CEP95: variants seen among roughly 807,000 people sequenced by gnomAD.
CEP95 encodes centrosomal protein 95.
Under a neutral mutation model 111.2 loss-of-function variants are expected in CEP95, and 98 were observed. The observed-to-expected ratio is 0.88, with a 90% CI of 0.75 to 1.04. CEP95 has a LOEUF of 1.04. Ranked by LOEUF, CEP95 falls within the 50% of genes least tolerant of loss-of-function variation. The pLI, the probability that CEP95 is intolerant of heterozygous loss-of-function variation, is 0.00. For missense variants in CEP95, 1,027 were observed against 977.2 expected, an observed-to-expected ratio of 1.05 and a Z score of -0.68; for synonymous variants, 323 against 327.1, an observed-to-expected ratio of 0.99 and a Z score of 0.14.
rs575800337 is a variant in CEP95, at chr17:64,509,993, C to T, written c.149-180C>T. 3.9e-5 allele frequency among the ~76,000 whole-genome samples: 6 copies of T among 152,106 alleles called. No homozygotes were observed. The East Asian group carries it at 1.2e-3, about 29-fold the overall frequency. ...TCGGTTCAATCAATAAATACTCAAC[C>T]AGTAAAGATTCTGCTGTGTAGAGTT... On this transcript the variant is annotated intron_variant, in intron 2 of 19. Transcript: ENST00000556440.
chr17:64,524,966 C>A (rs545766282), intron 8 of CEP95, among the ~76,000 whole-genome samples: 1 of 150,672 alleles, frequency 6.6e-6, no homozygotes, highest in Non-Finnish European at 1.5e-5. Context: ...AAGACCCCAT[C>A]TCAAAAAACA....
Position 64,529,393 on chromosome 17 carries a change from C to T in CEP95, c.1412C>T (p.Pro471Leu). 6.2e-7 allele frequency: 1 copy of T among 1,613,828 alleles called. No homozygotes were observed. Among genetic ancestry groups the T allele is most frequent in the Non-Finnish European group, 8.5e-7 (1 of 1,179,806 alleles). Residue 471 changes from proline (P) to leucine (L), a missense_variant, in exon 12 of 20, where the codon CCA (proline) becomes CTA (leucine). Pro to Leu is a moderately conservative substitution (Grantham distance 98, BLOSUM62 -3). Transcript: ENST00000556440. ...TTGGAGAGAAAAAGGCAGCGCAAGCCAAGAGAAACAGATGTCCGCCAATTC... is the reference window on the plus strand; with the variant it reads ...TTGGAGAGAAAAAGGCAGCGCAAGCTAAGAGAAACAGATGTCCGCCAATTC... Reference protein sequence around the residue: ...FHLERKRQRKPRETDVRQFQA... With the variant: ...FHLERKRQRKLRETDVRQFQA...
In CEP95 at chr17:64,522,722, G is replaced by A; in HGVS notation, c.736G>A (p.Gly246Arg). The change falls in exon 8 of 20, where the codon GGG (glycine) becomes AGG (arginine). Residue 246 changes from glycine (G) to arginine (R), a missense_variant. Physicochemically the swap from Gly to Arg is moderately radical, Grantham distance 125. Coordinates refer to ENST00000556440, the MANE Select transcript of CEP95 (RefSeq NM_138363.3). ...VEDTETLSVS[G>R]IPNARKLGEP... ...ACTAGCGGAAACCCTTTCTGTGAGT[G>A]GGATTCCAAATGCTAGGAAGCTAGG... 1.2e-6 allele frequency: 2 copies of A among 1,612,966 alleles called. No homozygotes were observed. The highest frequency in any genetic ancestry group is 1.3e-5 in the African/African-American group (1 of 74,976).
intron 8 of CEP95, 72 bp from the exon 9 acceptor site, chr17:64,525,694 CCCTT>C: frequency 1.1e-6 from 1 of 909,496 alleles, no homozygotes; most frequent in South Asian, 1.5e-5. Context: ...CACAGTTCCT[CCCTT>C]CCTCACTCCC....
At position 64,526,136 on chromosome 17, in the gene CEP95, T is replaced by G. The variant is rs1374186098; in HGVS notation, c.1088T>G (p.Leu363Ter). The change falls in exon 10 of 20, where the codon TTA becomes TGA. Residue 363 changes from leucine to a stop codon, truncating the protein, a stop_gained. Coordinates refer to ENST00000556440, the MANE Select transcript of CEP95 (RefSeq NM_138363.3). LOFTEE classifies it high-confidence loss of function. ...TTCCCCCAGAGGCCAAGAAAGAGAT[T>G]AACAGAACAAGAATTACATGATGTA... ...SPFPQRPRKRLTEQELHDVSE... is the reference protein window; with the variant it reads ...SPFPQRPRKR 6.8e-6 allele frequency: 11 copies of G among 1,613,564 alleles called. No individual in the cohort carries two copies. Among genetic ancestry groups the G allele is most frequent in the South Asian group, 2.2e-5 (2 of 91,058 alleles).
intron 16 of CEP95, 68 bp from the exon 17 acceptor site, chr17:64,534,517 A>T (rs1555681050): frequency 7.1e-7 from 1 of 1,417,036 alleles, no homozygotes; most frequent in East Asian, 2.3e-5. Context: ...AGTGAGGCAG[A>T]TGAGAACGCT....
At chr17:64,518,389 G>T (rs1340437656) in intron 5 of CEP95, among the ~76,000 whole-genome samples, 4 of 152,072 alleles carry the variant, frequency 2.6e-5, no homozygotes, top group African/African-American at 9.7e-5. Context: ...AATAATAAAA[G>T]TTGCCAGACT....
chr17:64,514,115 A>G (rs880001070), intron 3 of CEP95, 133 bp from the exon 4 acceptor site: 5 of 457,076 alleles, frequency 1.1e-5, no homozygotes, highest in African/African-American at 3.9e-5. Flanking sequence ...TTAATCTCCA[A>G]GGAGCTGTAA....
intron 7 of CEP95, among the ~76,000 whole-genome samples, chr17:64,522,180 A>G (rs1967396684): frequency 6.6e-6 from 1 of 151,974 alleles, no homozygotes; most frequent in Non-Finnish European, 1.5e-5. Context: ...TCTTATTATC[A>G]TCTCTGGAAT....
At chr17:64,532,264 C>T in intron 14 of CEP95, 1 of 1,225,272 alleles carries the variant, frequency 8.2e-7, no homozygotes, top group Non-Finnish European at 1.0e-6. Context: ...ACCTGCTGCT[C>T]CAGCGTTAGC....
chr17:64,516,712 G>C lies in CEP95; in HGVS notation c.368-11G>C, dbSNP rs782523533. 2 of 1,563,270 alleles carry C rather than the reference G, an allele frequency of 1.3e-6. No homozygotes were observed. The highest frequency in any genetic ancestry group is 2.2e-5 in the South Asian group (2 of 89,188). On this transcript the variant is annotated splice_polypyrimidine_tract_variant and intron_variant, in intron 4 of 19. Coordinates refer to ENST00000556440, the MANE Select transcript of CEP95 (RefSeq NM_138363.3). Reference sequence around the variant, plus strand: ...GGGTTTTTTGGTATTGTTTTTATCTGTTCTGAACAGGTGAAACTGAACAGT... The same window carrying C: ...GGGTTTTTTGGTATTGTTTTTATCTCTTCTGAACAGGTGAAACTGAACAGT...
At position 64,531,757 on chromosome 17, in the gene CEP95, G is replaced by A. The variant is rs146207568; in HGVS notation, c.1540-133G>A. Reference sequence around the variant, plus strand: ...AGATTTTACAAATTTGAAGTAAGGTGGTTTGGCTTACTGTTAGCTAAAAAA... The same window carrying A: ...AGATTTTACAAATTTGAAGTAAGGTAGTTTGGCTTACTGTTAGCTAAAAAA... On this transcript the variant is annotated intron_variant, in intron 13 of 19. Coordinates refer to ENST00000556440, the MANE Select transcript of CEP95 (RefSeq NM_138363.3). 9.0e-4 allele frequency: 508 copies of A among 563,624 alleles called. 5 individuals are homozygous for A. Among genetic ancestry groups the A allele is most frequent in the African/African-American group, 8.8e-3 (457 of 51,864 alleles). 34.9% of individuals were successfully genotyped at this position (563,624 alleles called of 1,614,324 possible).
intron 12 of CEP95, among the ~76,000 whole-genome samples, chr17:64,529,939 A>G (rs1170608691): frequency 6.6e-6 from 1 of 152,262 alleles, no homozygotes; most frequent in Non-Finnish European, 1.5e-5. Context: ...GGTAGGATTT[A>G]TAATGGTGAA....
At chr17:64,530,734 C>G (rs1342108331) in intron 12 of CEP95, among the ~76,000 whole-genome samples, 192 bp from the exon 13 acceptor site, 1 of 152,114 alleles carries the variant, frequency 6.6e-6, no homozygotes, top group Non-Finnish European at 1.5e-5. Context: ...TCTTGAACTC[C>G]TGACCTCAGG....
At chr17:64,531,794 C>A in intron 13 of CEP95, 96 bp from the exon 14 acceptor site, 2 of 897,960 alleles carry the variant, frequency 2.2e-6, no homozygotes, top group Non-Finnish European at 1.5e-6. Flanking sequence ...TAAAAAACTA[C>A]CGTTAGCTGT....
At chr17:64,521,583 G>A (rs987433427) in intron 7 of CEP95, 56 bp downstream of exon 7, 21 of 1,540,816 alleles carry the variant, frequency 1.4e-5, no homozygotes, top group Admixed American at 2.0e-5. Context: ...TGGGGCAATT[G>A]TTGTTGCCAT....
chr17:64,521,470 G>C lies in CEP95; in HGVS notation c.658G>C (p.Asp220His), dbSNP rs1555677811. ...LASPSSKSHE[D>H]MLYPPSVLSK... ...CTCACCAAGTTCTAAATCACATGAA[G>C]ATATGTTGTACCCTCCTAGTGTTTT... is the stretch of plus-strand genomic sequence containing the variant. Residue 220 changes from aspartate (D) to histidine (H), a missense_variant, in exon 7 of 20, where the codon GAT becomes CAT. By Grantham distance (81) the Asp-to-His change is moderately conservative. Coordinates refer to ENST00000556440, the MANE Select transcript of CEP95 (RefSeq NM_138363.3). The C allele has an allele frequency of 8.7e-6, 14 of 1,612,850 alleles. No homozygotes were observed. Among genetic ancestry groups the C allele is most frequent in the Non-Finnish European group, 1.2e-5 (14 of 1,179,062 alleles).
intron 4 of CEP95, chr17:64,515,700 C>G (rs192710150): frequency 6.6e-6 from 1 of 152,176 alleles, no homozygotes; most frequent in African/African-American, 2.4e-5. Flanking sequence ...CATTTTCTTA[C>G]AGTCTGCTTC....
Position 64,537,092 on chromosome 17 carries a change from A to G in CEP95, c.2269A>G (p.Arg757Gly), listed in dbSNP as rs200122022. ...ACAGGAACATCAAGAACTTAAAGCC[A>G]GAGAGAAATCTCAGGCCCAGGTAAT... ...ISQEHQELKA[R>G]EKSQAQTLHK... The change falls in exon 19 of 20, where the codon AGA becomes GGA. Residue 757 changes from arginine to glycine, a missense_variant. By Grantham distance (125) the Arg-to-Gly change is moderately radical. Coordinates refer to ENST00000556440, the MANE Select transcript of CEP95 (RefSeq NM_138363.3). 6 of 1,612,888 alleles carry G rather than the reference A, an allele frequency of 3.7e-6. No individual in the cohort carries two copies. The Admixed American group carries it at 1.0e-4, about 27-fold the overall frequency.
Sources: gnomAD v4.1 joint callset for allele counts (sites outside exome capture counted in the v4.1 genomes callset) on GRCh38, gnomAD v4.1.1 for gene constraint, MANE v1.5 for transcripts, NCBI Gene and HGNC (gene_info 2026-07-23, HGNC 2026-07-21) for gene names.